Variants in MGAT4C observed in about 807,000 individuals in gnomAD.
MGAT4C encodes the protein MGAT4 family member C, also known as alpha-1,3-mannosyl-glycoprotein 4-beta-N-acetylglucosaminyltransferase C.
A neutral mutation model predicts 40.1 loss-of-function variants in MGAT4C; 19 were observed. That is an observed-to-expected ratio of 0.47 (90% CI 0.33 to 0.70). The LOEUF (loss-of-function observed/expected upper bound fraction) is 0.70. Among genes scored for constraint, MGAT4C ranks in the 30% least tolerant of loss-of-function variants. The pLI is 0.02. For synonymous variants in MGAT4C, 181 were observed against 187.1 expected (o/e 0.97, Z 0.27); for missense variants, 491 against 563.2 (o/e 0.87, Z 1.30).
chr12:86,679,379 C>T (rs1949937578), intron 2 of MGAT4C, among the ~76,000 whole-genome samples: 1 of 152,058 alleles, frequency 6.6e-6, no homozygotes, highest in Non-Finnish European at 1.5e-5. Flanking sequence ...TAGATCATGT[C>T]TTCTTGTTCA....
At chr12:86,831,731 A>C (rs547984700) in intron 1 of MGAT4C, among the ~76,000 whole-genome samples, 1 of 151,958 alleles carries the variant, frequency 6.6e-6, no homozygotes, top group Non-Finnish European at 1.5e-5. Flanking sequence ...GCCTAATAAA[A>C]GAATTTTCTA....
chr12:86,292,970 T>C (rs887887086), intron 4 of MGAT4C, among the ~76,000 whole-genome samples: 1 of 152,002 alleles, frequency 6.6e-6, no homozygotes, highest in Admixed American at 6.6e-5. Context: ...TTGACATAAT[T>C]GAAAAAATGA....
chr12:86,439,668 A>G (rs1957194798), intron 2 of MGAT4C, among the ~76,000 whole-genome samples: 1 of 152,064 alleles, frequency 6.6e-6, no homozygotes, highest in African/African-American at 2.4e-5. Context: ...AAAAATCAAT[A>G]CAAAAGGTAA....
chr12:86,460,145 T>G (rs1393522098), intron 2 of MGAT4C, among the ~76,000 whole-genome samples: 8 of 152,002 alleles, frequency 5.3e-5, no homozygotes, highest in African/African-American at 1.9e-4. Context: ...CCCATGAGTT[T>G]GAATACAGCC....
chr12:86,322,921 C>T (rs886964823), intron 4 of MGAT4C, among the ~76,000 whole-genome samples: 4 of 151,864 alleles, frequency 2.6e-5, no homozygotes, highest in Non-Finnish European at 5.9e-5. Flanking sequence ...GCAGGAAATG[C>T]GGAAGAGTTA....
At chr12:86,764,372 G>A (rs1468756254) in intron 1 of MGAT4C, among the ~76,000 whole-genome samples, 1 of 152,166 alleles carries the variant, frequency 6.6e-6, no homozygotes, top group Admixed American at 6.5e-5. Context: ...AGCTCGAACT[G>A]GGTGGAGCCC....
At chr12:86,399,341 G>GTA (rs1365342943) in intron 3 of MGAT4C, among the ~76,000 whole-genome samples, 4 of 151,388 alleles carry the variant, frequency 2.6e-5, no homozygotes, top group Admixed American at 2.0e-4. Flanking sequence ...GGAGTGAGTG[G>GTA]CGCAATCTCG....
chr12:86,821,947 A>C lies in MGAT4C; in HGVS notation c.-262+16719T>G, dbSNP rs141384605. Among the ~76,000 whole-genome samples, 59 of 150,920 alleles carry C rather than the reference A, an allele frequency of 3.9e-4. No individual in the cohort carries two copies. In the East Asian group the frequency reaches 0.011, roughly 27 times the overall value. On this transcript the variant is annotated intron_variant, in intron 1 of 7. Coordinates refer to the MGAT4C transcript ENST00000548651. ...ATAACGGTGGTAGGTAAATTATTTT[A>C]ATTGTAGTAAAAAAGTTAAAGACAA...
At chr12:86,809,508 T>C (rs555344994) in intron 1 of MGAT4C, among the ~76,000 whole-genome samples, 2 of 152,154 alleles carry the variant, frequency 1.3e-5, no homozygotes, top group East Asian at 3.9e-4. Flanking sequence ...CAGCAATATA[T>C]GATTGACCCA....
intron 2 of MGAT4C, among the ~76,000 whole-genome samples, chr12:86,441,778 G>C (rs1027709620): frequency 6.6e-6 from 1 of 151,834 alleles, no homozygotes. Context: ...CCAAGTCTTC[G>C]CTATTGTGAA....
intron 1 of MGAT4C, among the ~76,000 whole-genome samples, chr12:86,165,196 A>T (rs1886052858): frequency 6.6e-6 from 1 of 152,160 alleles, no homozygotes; most frequent in Non-Finnish European, 1.5e-5. Flanking sequence ...TAGATTGATT[A>T]TGGGCTGATT....
intron 3 of MGAT4C, among the ~76,000 whole-genome samples, chr12:86,418,219 T>C (rs1956755234): frequency 1.3e-5 from 2 of 152,200 alleles, no homozygotes; most frequent in Non-Finnish European, 2.9e-5. Flanking sequence ...GATTGAATGA[T>C]CAGAGCATAT....
intron 1 of MGAT4C, among the ~76,000 whole-genome samples, chr12:86,175,227 T>C (rs529254963): frequency 8.6e-4 from 131 of 152,304 alleles, no homozygotes; most frequent in African/African-American, 2.9e-3. Flanking sequence ...TGATGATATA[T>C]GCAAATAGTA....
chr12:86,765,191 G>A (rs1038670320), intron 1 of MGAT4C, among the ~76,000 whole-genome samples: 6 of 152,296 alleles, frequency 3.9e-5, no homozygotes, highest in African/African-American at 7.2e-5. Context: ...GGAGCTGAAA[G>A]CCAAGGCTCG....
chr12:86,618,214 T>C (rs986326278), intron 2 of MGAT4C, among the ~76,000 whole-genome samples: 3 of 152,190 alleles, frequency 2.0e-5, no homozygotes, highest in African/African-American at 7.2e-5. Flanking sequence ...AGAATTCTTA[T>C]ACACTGTTAG....
chr12:86,630,679 G>C (rs1320573713), intron 2 of MGAT4C, among the ~76,000 whole-genome samples: 2 of 151,954 alleles, frequency 1.3e-5, no homozygotes, highest in African/African-American at 2.4e-5. Context: ...AGATGCAGAG[G>C]AGGCCTTTGA....
chr12:86,466,331 A>C (rs1286174602), intron 2 of MGAT4C, among the ~76,000 whole-genome samples: 1 of 152,242 alleles, frequency 6.6e-6, no homozygotes, highest in African/African-American at 2.4e-5. Flanking sequence ...ACTGTGGTAC[A>C]TCCAGTCAAT....
At chr12:86,826,211 C>G (rs1043375766) in intron 1 of MGAT4C, among the ~76,000 whole-genome samples, 3 of 151,420 alleles carry the variant, frequency 2.0e-5, no homozygotes, top group Non-Finnish European at 4.4e-5. Context: ...AGCCATTCAT[C>G]GCTATCGACT....
intron 1 of MGAT4C, among the ~76,000 whole-genome samples, chr12:86,147,675 C>T (rs1433487926): frequency 6.6e-6 from 1 of 152,086 alleles, no homozygotes; most frequent in Non-Finnish European, 1.5e-5. Flanking sequence ...GTTGGCTCTC[C>T]TTTAAAGTTG....
Sources: gnomAD v4.1 joint callset for allele counts (sites outside exome capture counted in the v4.1 genomes callset) on GRCh38, gnomAD v4.1.1 for gene constraint, MANE v1.5 for transcripts, NCBI Gene and HGNC (gene_info 2026-07-23, HGNC 2026-07-21) for gene names.